CES5A: variants seen among roughly 807,000 people sequenced by gnomAD.
CES5A encodes carboxylesterase 5A, also known as carboxylesterase 5.
CES5A carries 67 observed loss-of-function variants against 62.9 expected under a neutral mutation model. The ratio of observed to expected loss-of-function variants is 1.07; its 90% CI spans 0.88 to 1.31. The LOEUF is 1.31. Ranked by LOEUF, CES5A falls within the 50% of genes most tolerant of loss-of-function variation. The probability of loss-of-function intolerance (pLI) is 0.00; values close to 1 mark genes in which losing one functional copy is unlikely to be tolerated. For missense variants in CES5A, 748 were observed against 708.5 expected (o/e 1.06, Z -0.63); for synonymous variants, 296 against 280.8 (o/e 1.05, Z -0.54).
chr16:55,886,839 A>C (rs1273916576), intron 1 of CES5A, among the ~76,000 whole-genome samples: 1 of 152,068 alleles, frequency 6.6e-6, no homozygotes, highest in African/African-American at 2.4e-5. Context: ...CCTAATCTGT[A>C]TCATGGGATC....
At chr16:55,862,678 A>G (rs2033377181) in intron 6 of CES5A, among the ~76,000 whole-genome samples, 2 of 152,248 alleles carry the variant, frequency 1.3e-5, no homozygotes, top group Non-Finnish European at 2.9e-5. Context: ...AAGAAAATTT[A>G]CCACAAAAAT....
chr16:55,880,323 C>T (rs1425704346), upstream of CES5A, among the ~76,000 whole-genome samples: 2 of 152,144 alleles, frequency 1.3e-5, no homozygotes, highest in Non-Finnish European at 2.9e-5. Flanking sequence ...GATGGAGTCC[C>T]CCAGGAGGAA....
At chr16:55,886,107 G>T (rs1246494935) in intron 1 of CES5A, among the ~76,000 whole-genome samples, 1 of 152,208 alleles carries the variant, frequency 6.6e-6, no homozygotes. Context: ...GCCCTAAGAA[G>T]ATGAGCTAAA....
upstream of CES5A, among the ~76,000 whole-genome samples, chr16:55,929,791 A>C (rs1487104630): frequency 6.6e-6 from 1 of 152,218 alleles, no homozygotes; most frequent in Non-Finnish European, 1.5e-5. Flanking sequence ...TGTTTTGCTC[A>C]CGATGGAATG....
chr16:55,938,942 ATTTGTTTTGT>A (rs1456329391), intron 2 of CES5A, among the ~76,000 whole-genome samples: 1 of 150,680 alleles, frequency 6.6e-6, no homozygotes, highest in Non-Finnish European at 1.5e-5. Flanking sequence ...GTTGTTGTTA[ATTTGTTTTGT>A]TTTGTGTTGT....
intron 2 of CES5A, among the ~76,000 whole-genome samples, chr16:55,939,196 G>A (rs1183526716): frequency 1.3e-5 from 2 of 152,108 alleles, no homozygotes; most frequent in African/African-American, 2.4e-5. Flanking sequence ...TCCCACAAAA[G>A]TATCAGAAAT....
chr16:55,945,428 A>G (rs2034484644), intron 2 of CES5A, among the ~76,000 whole-genome samples: 1 of 152,248 alleles, frequency 6.6e-6, no homozygotes. Context: ...GAGCAGCTAA[A>G]CAAAGGTACC....
intron 7 of CES5A, among the ~76,000 whole-genome samples, chr16:55,861,031 G>A (rs752161812): frequency 6.6e-6 from 1 of 152,258 alleles, no homozygotes; most frequent in East Asian, 1.9e-4. Flanking sequence ...AGACAACTGA[G>A]GTCTTGGAAG....
rs147695803 is a variant in CES5A, at chr16:55,887,553, C to T, written c.-255-13516G>A. Among the ~76,000 whole-genome samples the T allele has an allele frequency of 3.9e-5, 6 of 152,252 alleles. No individual in the cohort carries two copies. The East Asian group carries it at 1.2e-3, about 29-fold the overall frequency. The stretch of plus-strand genomic sequence containing the variant: ...AGTCTGGAGCATCTCACCAGGTAGA[C>T]TTGGACTCAGGCCCTGTTGCAGCAA... On this transcript the variant is annotated intron_variant, in intron 1 of 12. Coordinates refer to the CES5A transcript ENST00000518005.
chr16:55,943,638 C>T (rs1363604851), intron 2 of CES5A, among the ~76,000 whole-genome samples: 1 of 152,250 alleles, frequency 6.6e-6, no homozygotes, highest in Non-Finnish European at 1.5e-5. Flanking sequence ...CCAGTAGCTT[C>T]TCTTTTCCTT....
intron 1 of CES5A, among the ~76,000 whole-genome samples, chr16:55,908,995 A>C (rs768667994): frequency 6.6e-6 from 1 of 152,252 alleles, no homozygotes; most frequent in Non-Finnish European, 1.5e-5. Context: ...TATTTTCTCT[A>C]AAAGAATAAA....
chr16:55,890,368 G>A (rs1458689384), intron 1 of CES5A, among the ~76,000 whole-genome samples: 1 of 72,108 alleles, frequency 1.4e-5, no homozygotes, highest in South Asian at 4.0e-4. Context: ...ATGTGGGCTT[G>A]AATTTTTTTT....
At chr16:55,877,215 T>A (rs1170401601), upstream of CES5A, among the ~76,000 whole-genome samples, 2 of 151,648 alleles carry the variant, frequency 1.3e-5, no homozygotes, top group Admixed American at 1.3e-4. Flanking sequence ...TGGCAAGGAG[T>A]GCGGGTGGGG....
chr16:55,846,821 C>A lies in CES5A; in HGVS notation c.1443G>T (p.Glu481Asp). The A allele has an allele frequency of 1.9e-6, 3 of 1,614,076 alleles. No individual in the cohort carries two copies. The highest frequency in any genetic ancestry group is 2.5e-6 in the Non-Finnish European group (3 of 1,179,972). ...TCATCATCTTCCGGCTCAGTAACTT[C>A]TCCTCCTCCGTGGCTCCTTCTGAAG... ...IVMFEGATEE[E>D]KLLSRKMMKY... Residue 481 changes from glutamate (E) to aspartate (D), a missense_variant, in exon 12 of 13, where the codon GAG (glutamate) becomes GAT (aspartate). Transcript: ENST00000290567.
Position 55,869,737 on chromosome 16 carries a change from A to T in CES5A, c.425T>A (p.Val142Glu). 1.2e-6 allele frequency: 2 copies of T among 1,602,402 alleles called. No homozygotes were observed. The highest frequency in any genetic ancestry group is 4.5e-5 in the East Asian group (2 of 44,566). Residue 142 changes from valine (V) to glutamate (E), a missense_variant, in exon 4 of 13, where the codon GTG becomes GAG. Coordinates refer to ENST00000290567, the MANE Select transcript of CES5A (RefSeq NM_001143685.2). Reference protein sequence around the residue: ...ADTGSKLPVLVWFPGGAFKTG... With the variant: ...ADTGSKLPVLEWFPGGAFKTG... ...CTTGAAGGCACCTCCTGGGAACCAC[A>T]CCAAGACCTGAGGAGGGGAGAAGAG...
chr16:55,901,064 C>G (rs1334206901), intron 1 of CES5A, among the ~76,000 whole-genome samples: 5 of 152,108 alleles, frequency 3.3e-5, no homozygotes, highest in Admixed American at 3.3e-4. Flanking sequence ...TTGTAGCCTC[C>G]CATAATTCCC....
intron 1 of CES5A, among the ~76,000 whole-genome samples, chr16:55,900,677 AG>A (rs1210328235): frequency 6.6e-6 from 1 of 152,202 alleles, no homozygotes; most frequent in Non-Finnish European, 1.5e-5. Context: ...GAGGGAAAAA[AG>A]CAAGTGTGCC....
chr16:55,868,487 C>T (rs1651566172), intron 4 of CES5A, among the ~76,000 whole-genome samples: 1 of 152,206 alleles, frequency 6.6e-6, no homozygotes, highest in Non-Finnish European at 1.5e-5. Context: ...ACTCCAATGT[C>T]ACCCCTCTCT....
chr16:55,849,895 C>T (rs780769734), intron 10 of CES5A, 122 bp from the exon 11 acceptor site: 71 of 998,756 alleles, frequency 7.1e-5, no homozygotes, highest in Non-Finnish European at 1.0e-4. Context: ...AGAGACAGCT[C>T]ACTTCCCCCT....
Sources: allele counts gnomAD v4.1 joint callset (sites outside exome capture counted in the v4.1 genomes callset), GRCh38; gene constraint gnomAD v4.1.1; transcripts MANE v1.5; gene names NCBI Gene and HGNC (gene_info 2026-07-23, HGNC 2026-07-21).